THSD7A: variants seen among roughly 807,000 people sequenced by gnomAD.
The protein encoded by THSD7A is thrombospondin type 1 domain containing 7A.
In THSD7A, 96 loss-of-function variants were observed where a neutral mutation model predicts 231.3. That is an observed-to-expected ratio of 0.41 (90% CI 0.35 to 0.49). The LOEUF (loss-of-function observed/expected upper bound fraction) is 0.49, where lower values mean the gene tolerates loss of function less well. THSD7A is among the 20% of genes least tolerant of loss of function. THSD7A has a pLI of 0.05. For missense variants in THSD7A, 2,290 were observed against 2,070.2 expected (o/e 1.11, Z -2.06); for synonymous variants, 940 against 743.3 (o/e 1.26, Z -4.30).
intron 4 of THSD7A, among the ~76,000 whole-genome samples, chr7:11,570,161 A>T (rs1237364787): frequency 6.6e-6 from 1 of 152,110 alleles, no homozygotes; most frequent in Non-Finnish European, 1.5e-5. Flanking sequence ...GCAGAGCAAG[A>T]TCTTGAAAAA....
intron 6 of THSD7A, among the ~76,000 whole-genome samples, chr7:11,532,256 C>T (rs1433555730): frequency 6.6e-6 from 1 of 152,078 alleles, no homozygotes; most frequent in South Asian, 2.1e-4. Context: ...GCAAAGCCAA[C>T]ACAGAAACTA....
At chr7:11,575,059 G>A (rs1245463828) in intron 4 of THSD7A, among the ~76,000 whole-genome samples, 2 of 152,070 alleles carry the variant, frequency 1.3e-5, no homozygotes, top group East Asian at 3.9e-4. Flanking sequence ...TAATAATAGT[G>A]CTTACCTCAT....
At position 11,814,389 on chromosome 7, in the gene THSD7A, G is replaced by T. The variant is rs950927546; in HGVS notation, c.190+17368C>A. ...TCATTTATAATAACATGGCACAAAAGTAATTTTCACTCTAATTTCCACATT... is the reference window on the plus strand; with the variant it reads ...TCATTTATAATAACATGGCACAAAATTAATTTTCACTCTAATTTCCACATT... On this transcript the variant is annotated intron_variant, in intron 1 of 27. Coordinates refer to ENST00000423059, the MANE Select transcript of THSD7A (RefSeq NM_015204.3). This position sits in a 1 kb window ranked among gnomAD's most constrained non-coding sequence, Gnocchi z 5.1. Among the ~76,000 whole-genome samples, 2 of 152,118 alleles carry T rather than the reference G, an allele frequency of 1.3e-5. No homozygotes were observed. The highest frequency in any genetic ancestry group is 2.9e-5 in the Non-Finnish European group (2 of 68,006).
chr7:11,585,411 G>A (rs1195941360), intron 4 of THSD7A, among the ~76,000 whole-genome samples: 1 of 152,088 alleles, frequency 6.6e-6, no homozygotes, highest in Non-Finnish European at 1.5e-5. Flanking sequence ...TATACAGTAA[G>A]TCCTCATTTA....
intron 1 of THSD7A, among the ~76,000 whole-genome samples, chr7:11,798,930 C>CA (rs1232256021): frequency 6.8e-6 from 1 of 147,204 alleles, no homozygotes; most frequent in Admixed American, 6.8e-5. Context: ...TTGAACAACT[C>CA]TTTTTTTTTT....
At chr7:11,628,444 G>A (rs1250130252) in intron 2 of THSD7A, among the ~76,000 whole-genome samples, 1 of 152,136 alleles carries the variant, frequency 6.6e-6, no homozygotes, top group South Asian at 2.1e-4. Flanking sequence ...CCTGGTGCAT[G>A]CCTTCTAATC....
Position 11,831,948 on chromosome 7 carries a change from C to A in THSD7A, c.-2G>T, listed in dbSNP as rs1219399367. 1 of 1,231,660 alleles carries A rather than the reference C, an allele frequency of 8.1e-7. No individual in the cohort carries two copies. The highest frequency in any genetic ancestry group is 1.0e-6 in the Non-Finnish European group (1 of 989,698). 76.3% of individuals were successfully genotyped at this position (1,231,660 alleles called of 1,614,324 possible). A position where few individuals can be genotyped will look rare whatever the true frequency, so the allele number is the denominator to read the frequency against. On this transcript the variant is annotated 5_prime_UTR_variant, in exon 1 of 28. Transcript: ENST00000423059. The surrounding 1 kb of genome is among the most constrained non-coding windows in gnomAD (Gnocchi z 5.0). ...CCAGCGCCTGGCTTGCAGCCCCATG[C>A]CGCCTGCAGCCACTCCAGGGTCCAG...
chr7:11,485,582 AG>A (rs1287624469), intron 6 of THSD7A, among the ~76,000 whole-genome samples: 9 of 150,616 alleles, frequency 6.0e-5, no homozygotes, highest in African/African-American at 2.0e-4. Context: ...AGACTCAAAA[AG>A]GTTAAGTTAT....
intron 7 of THSD7A, among the ~76,000 whole-genome samples, chr7:11,479,757 T>C (rs1786344185): frequency 6.6e-6 from 1 of 152,192 alleles, no homozygotes; most frequent in South Asian, 2.1e-4. Flanking sequence ...AGGTACTAAA[T>C]AGGCTTTGAA....
intron 23 of THSD7A, among the ~76,000 whole-genome samples, chr7:11,395,821 C>G (rs989173198): frequency 6.6e-6 from 1 of 151,956 alleles, no homozygotes; most frequent in Non-Finnish European, 1.5e-5. Context: ...CCACCGTGCC[C>G]GGCCCAGAAT....
chr7:11,722,348 C>T (rs1781385648), intron 1 of THSD7A, among the ~76,000 whole-genome samples: 1 of 151,872 alleles, frequency 6.6e-6, no homozygotes, highest in East Asian at 2.0e-4. Context: ...TAATCATTTA[C>T]TGTGCCAGAT....
chr7:11,409,269 T>C (rs1056878986), intron 19 of THSD7A, among the ~76,000 whole-genome samples: 1 of 152,216 alleles, frequency 6.6e-6, no homozygotes, highest in African/African-American at 2.4e-5. Context: ...TAGATAACAA[T>C]GCCATCTTTC....
At chr7:11,552,288 C>T (rs1789663567) in intron 4 of THSD7A, among the ~76,000 whole-genome samples, 1 of 151,952 alleles carries the variant, frequency 6.6e-6, no homozygotes, top group Admixed American at 6.6e-5. Context: ...TGTAACAAAC[C>T]TGTACATATA....
At chr7:11,642,133 AAT>A (rs1211714459) in intron 1 of THSD7A, among the ~76,000 whole-genome samples, 1 of 152,180 alleles carries the variant, frequency 6.6e-6, no homozygotes, top group Non-Finnish European at 1.5e-5. Context: ...TATCAAGGAA[AAT>A]ATGAAATCCT....
intron 6 of THSD7A, among the ~76,000 whole-genome samples, chr7:11,509,753 C>A (rs6950252): frequency 7.1e-6 from 1 of 141,492 alleles, no homozygotes; most frequent in African/African-American, 2.7e-5. Flanking sequence ...ACCCGGGAGG[C>A]GGAGCTTGCA....
chr7:11,531,849 T>A (rs1336370801), intron 6 of THSD7A, among the ~76,000 whole-genome samples: 1 of 152,106 alleles, frequency 6.6e-6, no homozygotes, highest in African/African-American at 2.4e-5. Context: ...TAAGAAAGGA[T>A]CAGAGAAAGA....
intron 1 of THSD7A, among the ~76,000 whole-genome samples, chr7:11,790,802 C>G (rs1392216539): frequency 6.6e-6 from 1 of 151,874 alleles, no homozygotes; most frequent in Non-Finnish European, 1.5e-5. Flanking sequence ...GACTGGCAGA[C>G]AATTCTGATA....
Position 11,691,373 on chromosome 7 carries a change from A to G in THSD7A, c.191-54412T>C, listed in dbSNP as rs528035478. On this transcript the variant is annotated intron_variant, in intron 1 of 27. Transcript: ENST00000423059. ...AGTATATGATATCAAAACAGAGTACAATAGAGATATTTAACCTGGTTCAGG... is the reference window on the plus strand; with the variant it reads ...AGTATATGATATCAAAACAGAGTACGATAGAGATATTTAACCTGGTTCAGG... Among the ~76,000 whole-genome samples, 3 of 151,604 alleles carry G rather than the reference A, an allele frequency of 2.0e-5. 1 individual carries two copies. In the South Asian group the frequency reaches 6.2e-4, roughly 31 times the overall value.
At chr7:11,812,761 A>G (rs13244482) in intron 1 of THSD7A, among the ~76,000 whole-genome samples, 1 of 152,216 alleles carries the variant, frequency 6.6e-6, no homozygotes, top group Non-Finnish European at 1.5e-5. Flanking sequence ...ATATTGAAGC[A>G]TACTTTAAAG....
Sources: gnomAD v4.1 joint callset for allele counts (sites outside exome capture counted in the v4.1 genomes callset) on GRCh38, gnomAD v4.1.1 for gene constraint, Gnocchi (gnomAD v3.1) non-coding constraint, MANE v1.5 for transcripts, NCBI Gene and HGNC (gene_info 2026-07-23, HGNC 2026-07-21) for gene names.